Variants in TBC1D13 observed in about 807,000 individuals in gnomAD.
The protein encoded by TBC1D13 is TBC1 domain family member 13, also known as epididymis secretory sperm binding protein.
Under a neutral mutation model 53.6 loss-of-function variants are expected in TBC1D13, and 40 were observed. The observed-to-expected ratio is 0.75, with a 90% CI of 0.58 to 0.97. TBC1D13 has a LOEUF of 0.97. Ranked by LOEUF, TBC1D13 falls within the 50% of genes least tolerant of loss-of-function variation. TBC1D13 has a pLI of 0.00. For missense variants in TBC1D13, 377 were observed against 499.4 expected (o/e 0.75, Z 2.34); for synonymous variants, 182 against 197.7 (o/e 0.92, Z 0.67).
At position 128,808,344 on chromosome 9, in the gene TBC1D13, C is replaced by A; in HGVS notation, c.*465C>A. On this transcript the variant is annotated 3_prime_UTR_variant, in exon 12 of 12. Transcript: ENST00000372648. Reference sequence around the variant, plus strand: ...CTGAAAGCTGAGTCCTGCCGTCTGTCTCACCCACAGATGTCTGTAGTCGGT... The same window carrying A: ...CTGAAAGCTGAGTCCTGCCGTCTGTATCACCCACAGATGTCTGTAGTCGGT... 4.5e-6 allele frequency: 1 copy of A among 221,830 alleles called. No homozygotes were observed. 13.7% of individuals were successfully genotyped at this position (221,830 alleles called of 1,614,324 possible). A position where few individuals can be genotyped will look rare whatever the true frequency, so the allele number is the denominator to read the frequency against.
intron 7 of TBC1D13, 57 bp from the exon 8 acceptor site, chr9:128,803,193 A>G (rs1564426255): frequency 3.3e-6 from 5 of 1,525,348 alleles, no homozygotes; most frequent in Non-Finnish European, 4.5e-6. Context: ...GATTTCAGGC[A>G]TGAGCCACTG....
chr9:128,801,147 G>C (rs1829725540), intron 7 of TBC1D13, among the ~76,000 whole-genome samples: 1 of 152,046 alleles, frequency 6.6e-6, no homozygotes, highest in South Asian at 2.1e-4. Flanking sequence ...ACTCCAGCCT[G>C]GGTGACAGAG....
At chr9:128,800,007 C>T (rs997090739) in intron 7 of TBC1D13, among the ~76,000 whole-genome samples, 44 of 152,274 alleles carry the variant, frequency 2.9e-4, no homozygotes, top group Middle Eastern at 3.4e-3. Context: ...GGCGACAGAG[C>T]GAGACTCCGT....
At chr9:128,807,133 C>G (rs955026468) in intron 11 of TBC1D13, among the ~76,000 whole-genome samples, 5 of 148,450 alleles carry the variant, frequency 3.4e-5, no homozygotes, top group Non-Finnish European at 5.9e-5. Context: ...GTTGTCCAGG[C>G]TGGAGTGCAG....
At chr9:128,791,273 T>G in intron 3 of TBC1D13, 107 bp from the exon 4 acceptor site, 1 of 1,094,968 alleles carries the variant, frequency 9.1e-7, no homozygotes, top group Non-Finnish European at 1.4e-6. Context: ...CCATCTTGTC[T>G]TCTTGGGACT....
At chr9:128,793,771 A>G (rs1202080759) in intron 6 of TBC1D13, among the ~76,000 whole-genome samples, 1 of 152,184 alleles carries the variant, frequency 6.6e-6, no homozygotes, top group Non-Finnish European at 1.5e-5. Context: ...TCTGACCCGC[A>G]GTGACCCTTC....
chr9:128,799,395 G>A (rs1829693246), intron 7 of TBC1D13, among the ~76,000 whole-genome samples: 1 of 152,140 alleles, frequency 6.6e-6, no homozygotes, highest in South Asian at 2.1e-4. Context: ...CCTGGCCTTT[G>A]TTTCCTAGAC....
rs767725894 is a variant in TBC1D13, at chr9:128,803,437, C to T, written c.731C>T (p.Thr244Ile). 2 of 1,614,174 alleles carry T rather than the reference C, an allele frequency of 1.2e-6. No individual in the cohort carries two copies. The highest frequency in any genetic ancestry group is 2.2e-5 in the South Asian group (2 of 91,088). Residue 244 changes from threonine to isoleucine, a missense_variant, in exon 8 of 12, where the codon ACC (threonine) becomes ATC (isoleucine). Thr to Ile is a moderately conservative substitution (Grantham distance 89). Transcript: ENST00000372648. Reference sequence around the variant, plus strand: ...GGGCCCCTCTACTACACCTTTGCCACCGACCCCAATAGTGAGTGGAAAGGT... The same window carrying T: ...GGGCCCCTCTACTACACCTTTGCCATCGACCCCAATAGTGAGTGGAAAGGT... The part of the protein sequence containing the change: ...IVGPLYYTFA[T>I]DPNSEWKEHA...
intron 6 of TBC1D13, 95 bp from the exon 7 acceptor site, chr9:128,796,960 C>A (rs1397969094): frequency 7.9e-6 from 11 of 1,392,190 alleles, no homozygotes; most frequent in Non-Finnish European, 9.9e-6. Flanking sequence ...AAACAAAAAA[C>A]AATGCTTTTG....
At chr9:128,803,572 G>A (rs1829775830) in intron 8 of TBC1D13, 112 bp downstream of exon 8, 2 of 987,768 alleles carry the variant, frequency 2.0e-6, no homozygotes, top group Non-Finnish European at 3.1e-6. Context: ...GAGTTGGCCT[G>A]GATCATCTCT....
chr9:128,789,312 A>G (rs1829485625), intron 2 of TBC1D13, among the ~76,000 whole-genome samples: 1 of 67,168 alleles, frequency 1.5e-5, no homozygotes. Flanking sequence ...GTGAAGCTCC[A>G]TCTCAAAAAA....
intron 11 of TBC1D13, 115 bp from the exon 12 acceptor site, chr9:128,807,699 C>T (rs1829862610): frequency 1.9e-6 from 2 of 1,066,126 alleles, no homozygotes; most frequent in Non-Finnish European, 2.9e-6. Flanking sequence ...GTGTTCTGTG[C>T]TCCTGCCCCT....
At chr9:128,788,476 C>T (rs1224005185) in intron 2 of TBC1D13, 69 bp downstream of exon 2, 30 of 1,418,538 alleles carry the variant, frequency 2.1e-5, no homozygotes, top group South Asian at 9.3e-5. Context: ...AGGGGGAGGC[C>T]ACACCTGGTC....
chr9:128,789,365 C>A (rs1829488249), intron 2 of TBC1D13, among the ~76,000 whole-genome samples: 1 of 150,520 alleles, frequency 6.6e-6, no homozygotes, highest in Non-Finnish European at 1.5e-5. Context: ...CTGTCATCCT[C>A]ATATAGATTC....
chr9:128,801,720 G>C (rs968646209), intron 7 of TBC1D13, among the ~76,000 whole-genome samples: 4 of 151,270 alleles, frequency 2.6e-5, no homozygotes, highest in African/African-American at 9.7e-5. Context: ...GGCTTGGCCA[G>C]TTGTTTGTTT....
Position 128,808,146 on chromosome 9 carries a change from G to A in TBC1D13, c.*267G>A, listed in dbSNP as rs1406580543. On this transcript the variant is annotated 3_prime_UTR_variant, in exon 12 of 12. Coordinates refer to ENST00000372648, the MANE Select transcript of TBC1D13 (RefSeq NM_018201.5). ...AAGTTGTCCTTCCTGGGCCAGGGCC[G>A]TTTCTGGCACTGGGAGGCTGGCAGG... 10 of 461,506 alleles carry A rather than the reference G, an allele frequency of 2.2e-5. No individual in the cohort carries two copies. The highest frequency in any genetic ancestry group is 8.1e-5 in the South Asian group (3 of 36,972). The allele number at this position is 461,506 out of a possible 1,614,324, so 28.6% of individuals were successfully genotyped here. A position where few individuals can be genotyped will look rare whatever the true frequency, so the allele number is the denominator to read the frequency against.
intron 6 of TBC1D13, among the ~76,000 whole-genome samples, chr9:128,793,456 G>C (rs1395979794): frequency 6.6e-6 from 1 of 152,218 alleles, no homozygotes; most frequent in Non-Finnish European, 1.5e-5. Context: ...GAGTGGCCAA[G>C]GGCTTGGGTT....
intron 7 of TBC1D13, among the ~76,000 whole-genome samples, chr9:128,800,442 C>T (rs552344456): frequency 4.4e-5 from 6 of 135,826 alleles, no homozygotes; most frequent in East Asian, 2.2e-4. Flanking sequence ...ACAATCTTGG[C>T]GCTCTGCAAC....
chr9:128,791,821 A>T, intron 5 of TBC1D13, 128 bp downstream of exon 5: 1 of 738,872 alleles, frequency 1.4e-6, no homozygotes, highest in Non-Finnish European at 2.3e-6. Flanking sequence ...TGGACCTCCC[A>T]GTTCCTCCTT....
Sources: gnomAD v4.1 joint callset for allele counts (sites outside exome capture counted in the v4.1 genomes callset) on GRCh38, gnomAD v4.1.1 for gene constraint, MANE v1.5 for transcripts, NCBI Gene and HGNC (gene_info 2026-07-23, HGNC 2026-07-21) for gene names.